The following GOLIM4 variants were observed in gnomAD, a reference collection of about 807,000 sequenced individuals.
GOLIM4 encodes the protein 130 kDa golgi-localized phosphoprotein.
Under a neutral mutation model 107.4 loss-of-function variants are expected in GOLIM4, and 71 were observed. The ratio of observed to expected loss-of-function variants is 0.66; its 90% CI spans 0.55 to 0.81. The LOEUF (loss-of-function observed/expected upper bound fraction) is 0.81, where lower values mean the gene tolerates loss of function less well. Ranked by LOEUF, GOLIM4 falls within the 30% of genes least tolerant of loss-of-function variation. The pLI is 0.00. For synonymous variants in GOLIM4, 327 were observed against 294.8 expected (o/e 1.11, Z -1.12); for missense variants, 830 against 826.1 (o/e 1.00, Z -0.06).
chr3:168,031,497 A>G (rs773106333), intron 9 of GOLIM4, among the ~76,000 whole-genome samples: 4 of 152,118 alleles, frequency 2.6e-5, no homozygotes, highest in Non-Finnish European at 5.9e-5. Flanking sequence ...AAGTGTCTGT[A>G]CCCCATTGAG....
At chr3:168,078,037 T>C (rs1577571059) in intron 1 of GOLIM4, among the ~76,000 whole-genome samples, 1 of 152,164 alleles carries the variant, frequency 6.6e-6, no homozygotes, top group Non-Finnish European at 1.5e-5. Context: ...ATAACTAGTA[T>C]TGGGAGGTGA....
chr3:168,095,238 CG>C lies in GOLIM4; in HGVS notation c.47del (p.Thr16SerfsTer5). The C allele has an allele frequency of 6.2e-7, 1 of 1,613,626 alleles. No individual in the cohort carries two copies. Among genetic ancestry groups the C allele is most frequent in the South Asian group, 1.1e-5 (1 of 91,080 alleles). ...CGAACACGACGGTCAGCAGCAGCAG[CG>C]TCTGGAAAATCCGCTTCTGCTTTCG... is the stretch of plus-strand genomic sequence containing the variant. ...CSRKQKRIFQ[T>X]LLLLTVVFGF... On this transcript the variant is annotated frameshift_variant, in exon 1 of 16. Coordinates refer to ENST00000470487, the MANE Select transcript of GOLIM4 (RefSeq NM_014498.5). LOFTEE classifies it high-confidence loss of function.
chr3:168,019,963 T>A lies in GOLIM4; in HGVS notation c.1860+4563A>T, dbSNP rs1717592223. 5.9e-5 allele frequency among the ~76,000 whole-genome samples: 9 copies of A among 151,316 alleles called. No homozygotes were observed. In the South Asian group the frequency reaches 1.7e-3, roughly 28 times the overall value. ...TTCAATTAGGGGTTACAAAAAAAAA[T>A]GGTCACTTTGTATTTCCATTGTTCT... is the stretch of plus-strand genomic sequence containing the variant. On this transcript the variant is annotated intron_variant, in intron 14 of 15. Transcript: ENST00000470487.
chr3:168,014,160 AAAAG>A (rs1293323777), intron 14 of GOLIM4, among the ~76,000 whole-genome samples: 2 of 150,906 alleles, frequency 1.3e-5, no homozygotes, highest in Non-Finnish European at 3.0e-5. Flanking sequence ...AATAAAGAAA[AAAAG>A]AGAGAAGAAT....
At chr3:168,032,984 C>A in intron 8 of GOLIM4, 132 bp from the exon 9 acceptor site, 1 of 682,152 alleles carries the variant, frequency 1.5e-6, no homozygotes. Context: ...ATAGTCCTGG[C>A]TTTATGGCTG....
At chr3:168,010,675 T>G in intron 15 of GOLIM4, 68 bp downstream of exon 15, 1 of 1,133,294 alleles carries the variant, frequency 8.8e-7, no homozygotes, top group Non-Finnish European at 1.3e-6. Flanking sequence ...AATACATATA[T>G]CTCTCCTATA....
chr3:168,064,601 GA>G (rs1033387070), intron 1 of GOLIM4, among the ~76,000 whole-genome samples: 6 of 123,868 alleles, frequency 4.8e-5, no homozygotes, highest in African/African-American at 1.9e-4. Flanking sequence ...AATACTTGGG[GA>G]TTTTTTTTTT....
intron 1 of GOLIM4, among the ~76,000 whole-genome samples, chr3:168,065,795 AAAC>A (rs538845139): frequency 4.3e-4 from 65 of 152,360 alleles, no homozygotes; most frequent in Admixed American, 3.6e-3. Flanking sequence ...ATGTTTCTGT[AAAC>A]AACATGTCAT....
At chr3:168,093,077 C>G (rs2108299823) in intron 1 of GOLIM4, among the ~76,000 whole-genome samples, 1 of 152,268 alleles carries the variant, frequency 6.6e-6, no homozygotes, top group East Asian at 1.9e-4. Context: ...CTCTTCCCCA[C>G]TACCACCACC....
chr3:168,032,133 C>T (rs1458998233), intron 9 of GOLIM4, among the ~76,000 whole-genome samples: 4 of 152,078 alleles, frequency 2.6e-5, no homozygotes, highest in Admixed American at 6.6e-5. Context: ...GAGAGGAGGA[C>T]GCCTGATCAT....
chr3:168,021,937 T>A (rs1200610604), intron 14 of GOLIM4, among the ~76,000 whole-genome samples: 4 of 152,194 alleles, frequency 2.6e-5, no homozygotes, highest in Non-Finnish European at 4.4e-5. Context: ...ATGCCATAAA[T>A]TGTCTTGTTT....
chr3:168,010,211 T>C lies in GOLIM4; in HGVS notation c.*58A>G. On this transcript the variant is annotated 3_prime_UTR_variant, in exon 16 of 16. Transcript: ENST00000470487. ...TCCTAGAGTTCAGTAGGCAGATTTA[T>C]GTTTGAGCAGCTTGAAAAGAATCCG... The C allele has an allele frequency of 1.3e-6, 2 of 1,506,390 alleles. No homozygotes were observed. Among genetic ancestry groups the C allele is most frequent in the Admixed American group, 4.0e-5 (2 of 49,672 alleles). The allele number at this position is 1,506,390 out of a possible 1,614,324, so 93.3% of individuals were successfully genotyped here. A position where few individuals can be genotyped will look rare whatever the true frequency, so the allele number is the denominator to read the frequency against.
chr3:168,047,987 A>C (rs761908673), intron 2 of GOLIM4, among the ~76,000 whole-genome samples: 2 of 151,156 alleles, frequency 1.3e-5, no homozygotes, highest in Admixed American at 6.6e-5. Context: ...TTCCAGGTGT[A>C]AGTAATATAC....
At chr3:168,029,447 T>C (rs146029621) in intron 10 of GOLIM4, 145 bp from the exon 11 acceptor site, 7 of 560,102 alleles carry the variant, frequency 1.2e-5, no homozygotes, top group East Asian at 2.9e-5. Context: ...AAACCTCTTA[T>C]GTATGCAATT....
At chr3:168,077,529 C>T (rs1017628789) in intron 1 of GOLIM4, among the ~76,000 whole-genome samples, 1 of 152,160 alleles carries the variant, frequency 6.6e-6, no homozygotes, top group African/African-American at 2.4e-5. Flanking sequence ...CATCACCAAA[C>T]CACAGCCAAA....
chr3:168,077,094 T>C (rs1721116606), intron 1 of GOLIM4, among the ~76,000 whole-genome samples: 1 of 152,228 alleles, frequency 6.6e-6, no homozygotes, highest in Admixed American at 6.5e-5. Context: ...AAAGTCTGTA[T>C]CACTATAAAA....
At chr3:168,030,999 G>A (rs113905844) in intron 9 of GOLIM4, among the ~76,000 whole-genome samples, 2,195 of 152,244 alleles carry the variant, frequency 0.014, 56 homozygotes, top group African/African-American at 0.05. Context: ...AGAAAATGTG[G>A]TACATATACA....
chr3:168,045,731 AAACTTCTAAAAT>A (rs1418732090), intron 3 of GOLIM4, among the ~76,000 whole-genome samples: 1 of 152,102 alleles, frequency 6.6e-6, no homozygotes, highest in Non-Finnish European at 1.5e-5. Flanking sequence ...TTTTTATTAA[AAACTTCTAAAAT>A]GAACTGCATT....
At chr3:168,068,164 A>G (rs1720647145) in intron 1 of GOLIM4, among the ~76,000 whole-genome samples, 1 of 152,164 alleles carries the variant, frequency 6.6e-6, no homozygotes. Context: ...ATACTACTGC[A>G]CTACAGAATT....
Sources: gnomAD v4.1 joint callset for allele counts (sites outside exome capture counted in the v4.1 genomes callset) on GRCh38, gnomAD v4.1.1 for gene constraint, MANE v1.5 for transcripts, NCBI Gene and HGNC (gene_info 2026-07-23, HGNC 2026-07-21) for gene names.